The following RBMS2 variants were observed in gnomAD, a reference collection of about 807,000 sequenced individuals.
The protein encoded by RBMS2 is RNA binding motif single stranded interacting protein 2.
Under a neutral mutation model 58.4 loss-of-function variants are expected in RBMS2, and 38 were observed. The observed-to-expected ratio is 0.65, with a 90% confidence interval of 0.50 to 0.85. The LOEUF (loss-of-function observed/expected upper bound fraction) is 0.85. RBMS2 is among the 40% of genes least tolerant of loss of function. The pLI is 0.00. For missense variants in RBMS2, 367 were observed against 503.7 expected (o/e 0.73, Z 2.60); for synonymous variants, 151 against 180.7 (o/e 0.84, Z 1.32).
At chr12:56,553,404 C>G (rs1346106841) in intron 1 of RBMS2, among the ~76,000 whole-genome samples, 1 of 152,100 alleles carries the variant, frequency 6.6e-6, no homozygotes, top group East Asian at 1.9e-4. Context: ...TCTCTACTCA[C>G]TACAACCTCC....
chr12:56,532,881 C>G (rs34900037), intron 1 of RBMS2, among the ~76,000 whole-genome samples: 68,206 of 151,888 alleles, frequency 0.45, 16,176 homozygotes, highest in East Asian at 0.6. Flanking sequence ...TCTTCTAGAG[C>G]TAACCACTGT....
intron 9 of RBMS2, among the ~76,000 whole-genome samples, chr12:56,583,090 A>T (rs146902236): frequency 6.6e-6 from 1 of 152,158 alleles, no homozygotes; most frequent in Non-Finnish European, 1.5e-5. Flanking sequence ...GCTATACCCA[A>T]TGGGGGCATT....
chr12:56,564,120 G>GTT (rs967702736), intron 2 of RBMS2, among the ~76,000 whole-genome samples: 2 of 143,758 alleles, frequency 1.4e-5, no homozygotes, highest in Admixed American at 7.0e-5. Context: ...GCTAATTTTT[G>GTT]TTTTTTTTTT....
intron 12 of RBMS2, 134 bp from the exon 13 acceptor site, chr12:56,588,798 A>G (rs1885033293): frequency 1.3e-6 from 1 of 779,448 alleles, no homozygotes; most frequent in Non-Finnish European, 2.2e-6. Context: ...GTGGGTGGAA[A>G]CACTCACACA....
At position 56,548,253 on chromosome 12, in the gene RBMS2, C is replaced by T. The variant is rs866638868; in HGVS notation, c.67-14164C>T. Among the ~76,000 whole-genome samples the T allele has an allele frequency of 9.2e-5, 14 of 151,966 alleles. No homozygotes were observed. The South Asian group carries it at 1.0e-3, about 11-fold the overall frequency. On this transcript the variant is annotated intron_variant, in intron 1 of 13. Coordinates refer to ENST00000262031, the MANE Select transcript of RBMS2 (RefSeq NM_002898.4). Reference sequence around the variant, plus strand: ...CATGAGGTCAGGAGTTCGAGACCAGCCTGGCCAACATGGTGAAACCCCATC... The same window carrying T: ...CATGAGGTCAGGAGTTCGAGACCAGTCTGGCCAACATGGTGAAACCCCATC...
At chr12:56,581,913 G>T in intron 8 of RBMS2, 34 bp downstream of exon 8, 1 of 1,607,242 alleles carries the variant, frequency 6.2e-7, no homozygotes, top group Non-Finnish European at 8.5e-7. Context: ...ACCTGAAAAT[G>T]ATAATGGCCT....
Position 56,587,625 on chromosome 12 carries a change from C to A in RBMS2, c.1023C>A (p.Thr341=), listed in dbSNP as rs371288226. ...CTGCCTCCATGATGGGACCCCTTAC[C>A]CAGCAACTGGGCCATCTCTCCCTCA... The part of the protein sequence containing the change: ...LQPASMMGPL[T]QQLGHLSLSS... Residue 341 remains threonine (T), a synonymous_variant, in exon 11 of 14, where the codon ACC becomes ACA. Coordinates refer to ENST00000262031, the MANE Select transcript of RBMS2 (RefSeq NM_002898.4). 1.2e-6 allele frequency: 2 copies of A among 1,613,814 alleles called. No individual in the cohort carries two copies. The highest frequency in any genetic ancestry group is 1.3e-5 in the African/African-American group (1 of 74,900).
intron 1 of RBMS2, among the ~76,000 whole-genome samples, chr12:56,561,297 G>C (rs1162274254): frequency 6.6e-6 from 1 of 152,008 alleles, no homozygotes. Context: ...GGGATTGCTG[G>C]GCTAAATGAT....
chr12:56,587,414 C>A, intron 10 of RBMS2, 140 bp from the exon 11 acceptor site: 1 of 791,138 alleles, frequency 1.3e-6, no homozygotes, highest in Non-Finnish European at 2.0e-6. Context: ...ATTCTTGTTG[C>A]ATAGTTGGGT....
intron 2 of RBMS2, among the ~76,000 whole-genome samples, chr12:56,568,293 T>G (rs550631437): frequency 1.3e-5 from 2 of 152,316 alleles, no homozygotes; most frequent in East Asian, 3.9e-4. Flanking sequence ...TGGCAAGGAT[T>G]CTTTTTAGTC....
At chr12:56,578,613 T>G (rs1883476170) in intron 5 of RBMS2, among the ~76,000 whole-genome samples, 1 of 152,244 alleles carries the variant, frequency 6.6e-6, no homozygotes, top group Admixed American at 6.5e-5. Flanking sequence ...CTGAGAAACC[T>G]TGTTCTCATA....
At chr12:56,584,784 C>T (rs1176120839) in intron 9 of RBMS2, among the ~76,000 whole-genome samples, 1 of 142,982 alleles carries the variant, frequency 7.0e-6, no homozygotes, top group Non-Finnish European at 1.5e-5. Flanking sequence ...GACTCTGTCT[C>T]AAAAAATAAA....
intron 1 of RBMS2, among the ~76,000 whole-genome samples, chr12:56,554,344 C>T (rs1447366443): frequency 6.6e-6 from 1 of 152,088 alleles, no homozygotes; most frequent in Non-Finnish European, 1.5e-5. Context: ...CCCAAATGCC[C>T]ATCAATGATA....
intron 1 of RBMS2, among the ~76,000 whole-genome samples, chr12:56,544,429 A>C (rs1876758371): frequency 1.3e-5 from 2 of 152,192 alleles, no homozygotes; most frequent in Non-Finnish European, 2.9e-5. Flanking sequence ...TTTGAGCTTC[A>C]GTAAAATATA....
intron 2 of RBMS2, among the ~76,000 whole-genome samples, chr12:56,563,575 G>A (rs1880818779): frequency 6.6e-6 from 1 of 152,078 alleles, no homozygotes; most frequent in Admixed American, 6.6e-5. Context: ...TGGAAAAATG[G>A]CAAGAGTGCA....
At chr12:56,536,285 C>T (rs7132965) in intron 1 of RBMS2, among the ~76,000 whole-genome samples, 69,695 of 150,000 alleles carry the variant, frequency 0.46, 16,840 homozygotes, top group East Asian at 0.59. Flanking sequence ...GAGTTCTGCC[C>T]GGCTAATTTT....
chr12:56,587,869 C>T (rs1201785142), intron 11 of RBMS2, among the ~76,000 whole-genome samples: 1 of 152,188 alleles, frequency 6.6e-6, no homozygotes, highest in Non-Finnish European at 1.5e-5. Context: ...CCCCTTTTAA[C>T]TGATTCCTAC....
At chr12:56,588,509 AG>A (rs1884991752) in intron 12 of RBMS2, 135 bp downstream of exon 12, 3 of 783,922 alleles carry the variant, frequency 3.8e-6, no homozygotes, top group Non-Finnish European at 6.4e-6. Context: ...CGAAGAACGT[AG>A]GAAGGATGTG....
At chr12:56,587,921 T>A (rs1884895801) in intron 11 of RBMS2, among the ~76,000 whole-genome samples, 1 of 152,144 alleles carries the variant, frequency 6.6e-6, no homozygotes. Context: ...CATATTAGTT[T>A]AAGATACACA....
Sources: gnomAD v4.1 joint callset for allele counts (sites outside exome capture counted in the v4.1 genomes callset) on GRCh38, gnomAD v4.1.1 for gene constraint, MANE v1.5 for transcripts, NCBI Gene and HGNC (gene_info 2026-07-23, HGNC 2026-07-21) for gene names.